CIMIP4: variants seen among roughly 807,000 people sequenced by gnomAD.
The protein encoded by CIMIP4 is ciliary microtubule inner protein 4.
At chr22:37,004,019 C>T in the CIMIP4 span, 21 of 1,547,326 alleles carry the variant, frequency 1.4e-5, no homozygotes, top group Admixed American at 2.2e-4. Flanking sequence ...CAATTCCAAG[C>T]TTAGTCCTGT....
chr22:36,999,992 G>A, the CIMIP4 span: 1 of 1,604,650 alleles, frequency 6.2e-7, no homozygotes, highest in South Asian at 1.1e-5. Flanking sequence ...AGCCTGAGCA[G>A]GGAGGCAGGG....
At chr22:36,998,676 C>G in the CIMIP4 span, among the ~76,000 whole-genome samples, 1 of 152,256 alleles carries the variant, frequency 6.6e-6, no homozygotes, top group Non-Finnish European at 1.5e-5. Flanking sequence ...AGTTCTAAGG[C>G]AAATGATCTG....
chr22:36,996,459 G>A, the CIMIP4 span, among the ~76,000 whole-genome samples: 2 of 120,474 alleles, frequency 1.7e-5, no homozygotes, highest in Non-Finnish European at 3.4e-5. Flanking sequence ...ATTCTCCTGA[G>A]TAAGTCTAAC....
the CIMIP4 span, among the ~76,000 whole-genome samples, chr22:37,000,263 C>CG: frequency 3.2e-3 from 492 of 152,130 alleles, 4 homozygotes; most frequent in Non-Finnish European, 4.1e-3. Flanking sequence ...AACATTGGGA[C>CG]GGGGGGTCTC....
the CIMIP4 span, among the ~76,000 whole-genome samples, chr22:36,999,506 G>A: frequency 1.0e-5 from 1 of 96,104 alleles, no homozygotes; most frequent in Admixed American, 1.1e-4. Context: ...ACAAAAGAAG[G>A]GAAGGAAAGG....
chr22:36,998,602 A>G, the CIMIP4 span, among the ~76,000 whole-genome samples: 1 of 152,188 alleles, frequency 6.6e-6, no homozygotes, highest in Admixed American at 6.5e-5. Context: ...AGAAAAGACT[A>G]TGAGGCTTTG....
chr22:37,003,098 C>T, the CIMIP4 span, among the ~76,000 whole-genome samples: 2 of 152,264 alleles, frequency 1.3e-5, no homozygotes, highest in Admixed American at 1.3e-4. Flanking sequence ...TACATAAGGG[C>T]TGGGCATCTT....
chr22:36,996,531 G>A, the CIMIP4 span, among the ~76,000 whole-genome samples: 173 of 151,880 alleles, frequency 1.1e-3, no homozygotes, highest in Middle Eastern at 6.8e-3. Flanking sequence ...GAGAGATATC[G>A]AAGGAAGACT....
At chr22:37,004,445 C>T in the CIMIP4 span, among the ~76,000 whole-genome samples, 1 of 152,190 alleles carries the variant, frequency 6.6e-6, no homozygotes, top group East Asian at 1.9e-4. Context: ...AGCCCATTGC[C>T]CCGGCTCCCA....
At chr22:37,001,934 C>T in the CIMIP4 span, 4 of 1,613,818 alleles carry the variant, frequency 2.5e-6, no homozygotes, top group Non-Finnish European at 3.4e-6. Flanking sequence ...GGGCGTGCTC[C>T]TCTGGTCCTG....
the CIMIP4 span, among the ~76,000 whole-genome samples, chr22:36,991,815 T>A: frequency 6.6e-6 from 1 of 151,698 alleles, no homozygotes; most frequent in Non-Finnish European, 1.5e-5. Context: ...TTCAGTGTCT[T>A]CAACTATACC....
At chr22:37,003,937 T>A in the CIMIP4 span, 1 of 1,541,628 alleles carries the variant, frequency 6.5e-7, no homozygotes, top group South Asian at 1.2e-5. Context: ...GGATGTGCAT[T>A]CAGCACATCC....
At chr22:37,001,002 T>A in the CIMIP4 span, among the ~76,000 whole-genome samples, 28 of 152,230 alleles carry the variant, frequency 1.8e-4, no homozygotes, top group African/African-American at 6.3e-4. Flanking sequence ...CTATCTGTTA[T>A]AAAGGAAGCA....
the CIMIP4 span, among the ~76,000 whole-genome samples, chr22:37,003,009 G>A: frequency 6.6e-6 from 1 of 152,148 alleles, no homozygotes; most frequent in Admixed American, 6.5e-5. Flanking sequence ...TCACAGCCTG[G>A]CCTCATCCTC....
the CIMIP4 span, among the ~76,000 whole-genome samples, chr22:36,997,309 G>T: frequency 6.6e-6 from 1 of 152,180 alleles, no homozygotes. Context: ...CATAGGATAG[G>T]AGTCCCTCAA....
At chr22:36,991,430 T>G in the CIMIP4 span, 7 of 1,591,266 alleles carry the variant, frequency 4.4e-6, no homozygotes, top group African/African-American at 9.4e-5. Flanking sequence ...CAACACACCC[T>G]GCTGGTGGAG....
the CIMIP4 span, chr22:37,003,973 G>T: frequency 6.5e-7 from 1 of 1,549,910 alleles, no homozygotes. Flanking sequence ...TACCTGCTCC[G>T]TGGCCCAGCT....
the CIMIP4 span, among the ~76,000 whole-genome samples, chr22:36,991,890 G>A: frequency 2.6e-5 from 4 of 152,122 alleles, no homozygotes; most frequent in African/African-American, 9.7e-5. Flanking sequence ...AAGACATCTA[G>A]CAAGTGGCAA....
At chr22:36,998,061 G>A in the CIMIP4 span, among the ~76,000 whole-genome samples, 1 of 152,206 alleles carries the variant, frequency 6.6e-6, no homozygotes, top group Non-Finnish European at 1.5e-5. Context: ...GTGAGCTGGT[G>A]CAATTTGCTA....
Sources: allele counts gnomAD v4.1 joint callset (sites outside exome capture counted in the v4.1 genomes callset), GRCh38; gene constraint gnomAD v4.1.1; transcripts MANE v1.5; gene names NCBI Gene and HGNC (gene_info 2026-07-23, HGNC 2026-07-21).